MLST8: variants seen among roughly 807,000 people sequenced by gnomAD.
MLST8 encodes the protein target of rapamycin complex subunit LST8.
Under a neutral mutation model 41.3 loss-of-function variants are expected in MLST8, and 20 were observed. That is an observed-to-expected ratio of 0.48 (90% CI 0.34 to 0.70). MLST8 has a LOEUF of 0.70. Among genes scored for constraint, MLST8 ranks in the 30% least tolerant of loss-of-function variants. The pLI is 0.01. For synonymous variants in MLST8, 243 were observed against 183.0 expected, an observed-to-expected ratio of 1.33 and a Z score of -2.65; for missense variants, 422 against 454.3, an observed-to-expected ratio of 0.93 and a Z score of 0.65.
chr16:2,209,371 G>C lies in MLST8; in HGVS notation c.*494G>C, dbSNP rs201450400. The C allele has an allele frequency of 1.9e-6, 3 of 1,612,848 alleles. No individual in the cohort carries two copies. Among genetic ancestry groups the C allele is most frequent in the South Asian group, 1.1e-5 (1 of 91,066 alleles). ...GGGCCAGGTCGGGGGCTCAGTCTGG[G>C]AGGTAATAAAAGCAGACCGACACGC... On this transcript the variant is annotated 3_prime_UTR_variant, in exon 9 of 9. Transcript: ENST00000569417.
rs1347285506 is a variant in MLST8, at chr16:2,208,786, G to A, written c.890G>A (p.Trp297Ter). 1 of 1,613,890 alleles carries A rather than the reference G, an allele frequency of 6.2e-7. No homozygotes were observed. Among genetic ancestry groups the A allele is most frequent in the Non-Finnish European group, 8.5e-7 (1 of 1,179,932 alleles). ...TCCTCGGACAACCTGGCCCGGCTCT[G>A]GTGTGTGGAGACTGGAGAGATCAAG... ...TASSDNLARLWCVETGEIKRE... is the reference protein window; with the variant it reads ...TASSDNLARL Residue 297 changes from tryptophan to a stop codon, truncating the protein, a stop_gained, in exon 9 of 9, where the codon TGG (tryptophan) becomes TAG (stop). Coordinates refer to ENST00000569417, the MANE Select transcript of MLST8 (RefSeq NM_022372.6). LOFTEE classifies it high-confidence loss of function.
At position 2,206,490 on chromosome 16, in the gene MLST8, T is replaced by TC. The variant is rs1397248361; in HGVS notation, c.182-4dup. On this transcript the variant is annotated splice_region_variant and splice_polypyrimidine_tract_variant and intron_variant, in intron 3 of 8. Coordinates refer to ENST00000569417, the MANE Select transcript of MLST8 (RefSeq NM_022372.6). ...CAGCCAAGCTTCAGTTCAGCCTGTG[T>TC]CCCTAGGTTACCAGCACATCCGCAT... is the stretch of plus-strand genomic sequence containing the variant. 4.3e-6 allele frequency: 7 copies of TC among 1,611,160 alleles called. No homozygotes were observed. The Admixed American group carries it at 1.2e-4, about 27-fold the overall frequency.
At chr16:2,206,689 G>A (rs1279118890) in intron 4 of MLST8, 30 bp downstream of exon 4, 3 of 1,601,304 alleles carry the variant, frequency 1.9e-6, no homozygotes, top group African/African-American at 2.7e-5. Context: ...TGCTGCCCGG[G>A]GCTGGGGTGG....
At chr16:2,205,787 C>T (rs145402479) in intron 1 of MLST8, 508 of 1,067,914 alleles carry the variant, frequency 4.8e-4, no homozygotes, top group Middle Eastern at 4.5e-3. Context: ...TGACTCCCCC[C>T]TGCCGGCTGC....
chr16:2,209,426 CAG>C lies in MLST8; in HGVS notation c.*553_*554del. The C allele has an allele frequency of 6.2e-7, 1 of 1,613,818 alleles. No individual in the cohort carries two copies. Among genetic ancestry groups the C allele is most frequent in the Non-Finnish European group, 8.5e-7 (1 of 1,180,002 alleles). ...GTTGCTCGGGAAGCAGATGTCGATG[CAG>C]AGATAAATCAGCCGCTGTCTCCGGG... On this transcript the variant is annotated 3_prime_UTR_variant, in exon 9 of 9. Coordinates refer to ENST00000569417, the MANE Select transcript of MLST8 (RefSeq NM_022372.6).
intron 4 of MLST8, 100 bp from the exon 5 acceptor site, chr16:2,206,935 T>G (rs1596715793): frequency 2.1e-6 from 3 of 1,440,816 alleles, no homozygotes. Flanking sequence ...AAGAGGCAGG[T>G]CCTTCAGCAG....
Position 2,207,306 on chromosome 16 carries a change from C to T in MLST8, c.534C>T (p.Ile178=), listed in dbSNP as rs781270375. ...AGGTCTCCATCACGTCCGCCCACAT[C>T]GATCCCGACGCCAGCTACATGGCAG... is the stretch of plus-strand genomic sequence containing the variant. ...EPEVSITSAH[I]DPDASYMAAV... is the part of the protein sequence containing the mutation. The change falls in exon 6 of 9, where the codon ATC becomes ATT. Residue 178 remains isoleucine, a synonymous_variant. Transcript: ENST00000569417. The T allele has an allele frequency of 4.3e-6, 7 of 1,614,004 alleles. No homozygotes were observed. The highest frequency in any genetic ancestry group is 1.1e-5 in the South Asian group (1 of 91,086).
At chr16:2,205,697 C>T in intron 1 of MLST8, 185 bp downstream of exon 1, 7 of 994,508 alleles carry the variant, frequency 7.0e-6, no homozygotes, top group Non-Finnish European at 8.4e-6. Flanking sequence ...CATGCGCAGC[C>T]GCAGCGCTCG....
rs1322687391 is a variant in MLST8 at position 2,206,676 on chromosome 16, G to T, written c.344+17G>T. On this transcript the variant is annotated intron_variant, in intron 4 of 8. Coordinates refer to ENST00000569417, the MANE Select transcript of MLST8 (RefSeq NM_022372.6). Reference sequence around the variant, plus strand: ...GGACCTCAGGTGCGGTGGGGAGGGGGCGTGCTGCCCGGGGCTGGGGTGGGC... The same window carrying T: ...GGACCTCAGGTGCGGTGGGGAGGGGTCGTGCTGCCCGGGGCTGGGGTGGGC... 6.2e-7 allele frequency: 1 copy of T among 1,610,636 alleles called. No homozygotes were observed. The highest frequency in any genetic ancestry group is 8.5e-7 in the Non-Finnish European group (1 of 1,179,736).
rs1269961383 is a variant in MLST8 at position 2,206,406 on chromosome 16, G to A, written c.178G>A (p.Ala60Thr). Reference sequence around the variant, plus strand: ...ACCGGACCGCAGCATGATTGCTGCTGCAGGTATCTGTGATCCTTGATCTCT... The same window carrying A: ...ACCGGACCGCAGCATGATTGCTGCTACAGGTATCTGTGATCCTTGATCTCT... The part of the protein sequence containing the change: ...VTPDRSMIAA[A>T]GYQHIRMYDL... The change falls in exon 3 of 9, where the codon GCA becomes ACA. Residue 60 changes from alanine to threonine, a missense_variant. Physicochemically the swap from Ala to Thr is moderately conservative, Grantham distance 58 (BLOSUM62 0). Coordinates refer to ENST00000569417, the MANE Select transcript of MLST8 (RefSeq NM_022372.6). 6.2e-7 allele frequency: 1 copy of A among 1,614,060 alleles called. No individual in the cohort carries two copies. The highest frequency in any genetic ancestry group is 8.5e-7 in the Non-Finnish European group (1 of 1,180,030).
In MLST8 at chr16:2,209,384, C is replaced by G; in HGVS notation, c.*507C>G. On this transcript the variant is annotated 3_prime_UTR_variant, in exon 9 of 9. Transcript: ENST00000569417. ...GGCTCAGTCTGGGAGGTAATAAAAG[C>G]AGACCGACACGCAGATGTTGCTCGG... The G allele has an allele frequency of 1.2e-6, 2 of 1,613,498 alleles. No individual in the cohort carries two copies. The highest frequency in any genetic ancestry group is 1.7e-6 in the Non-Finnish European group (2 of 1,179,730).
intron 6 of MLST8, 42 bp downstream of exon 6, chr16:2,207,387 C>G (rs749249830): frequency 3.1e-6 from 5 of 1,595,724 alleles, no homozygotes; most frequent in Non-Finnish European, 4.3e-6. Flanking sequence ...CAGCTTGGCA[C>G]TCAGCCCTCA....
In MLST8 at chr16:2,206,538, C is replaced by T. The variant is rs1267752831; in HGVS notation, c.223C>T (p.Pro75Ser). 10 of 1,613,952 alleles carry T rather than the reference C, an allele frequency of 6.2e-6. No homozygotes were observed. Among genetic ancestry groups the T allele is most frequent in the Non-Finnish European group, 8.5e-6 (10 of 1,179,880 alleles). Residue 75 changes from proline (P) to serine (S), a missense_variant, in exon 4 of 9, where the codon CCT (proline) becomes TCT (serine). Pro to Ser is a moderately conservative substitution (Grantham distance 74). Coordinates refer to ENST00000569417, the MANE Select transcript of MLST8 (RefSeq NM_022372.6). ...CATGTATGATCTCAACTCCAATAAC[C>T]CTAACCCCATCATCAGCTACGACGG... ...IRMYDLNSNNPNPIISYDGVN... is the reference protein window; with the variant it reads ...IRMYDLNSNNSNPIISYDGVN...
At position 2,208,510 on chromosome 16, in the gene MLST8, C is replaced by T. The variant is rs750257711; in HGVS notation, c.759C>T (p.Ser253=). The T allele has an allele frequency of 8.1e-6, 13 of 1,613,256 alleles. No homozygotes were observed. The highest frequency in any genetic ancestry group is 1.6e-4 in the Middle Eastern group (1 of 6,078). The change falls in exon 8 of 9, where the codon TCC becomes TCT. Residue 253 remains serine, a synonymous_variant. Coordinates refer to ENST00000569417, the MANE Select transcript of MLST8 (RefSeq NM_022372.6). The part of the protein sequence containing the change: ...TCKIWRTSNF[S]LMTELSIKSG... The stretch of plus-strand genomic sequence containing the variant: ...AGATCTGGAGGACGTCCAACTTCTC[C>T]CTGATGACGGAGCTGAGCATCAAGA...
Position 2,206,607 on chromosome 16 carries a change from C to T in MLST8, c.292C>T (p.Arg98Cys), listed in dbSNP as rs1200954370. The T allele has an allele frequency of 6.2e-7, 1 of 1,613,816 alleles. No individual in the cohort carries two copies. The highest frequency in any genetic ancestry group is 1.1e-5 in the South Asian group (1 of 91,072). ...GTCTGTGGGCTTCCACGAAGACGGCCGCTGGATGTACACGGGCGGCGAGGA... is the reference window on the plus strand; with the variant it reads ...GTCTGTGGGCTTCCACGAAGACGGCTGCTGGATGTACACGGGCGGCGAGGA... ...IASVGFHEDGRWMYTGGEDCT... is the reference protein window; with the variant it reads ...IASVGFHEDGCWMYTGGEDCT... Residue 98 changes from arginine (R) to cysteine (C), a missense_variant, in exon 4 of 9, where the codon CGC becomes TGC. Arg to Cys is a radical substitution (Grantham distance 180, BLOSUM62 -3). Coordinates refer to ENST00000569417, the MANE Select transcript of MLST8 (RefSeq NM_022372.6).
rs1447669253 is a variant in MLST8, at chr16:2,208,573, G to A, written c.822G>A (p.Trp274Ter). The change falls in exon 8 of 9, where the codon TGG becomes TGA. Residue 274 changes from tryptophan to a stop codon, truncating the protein, a stop_gained. Transcript: ENST00000569417. LOFTEE classifies it high-confidence loss of function. Reference sequence around the variant, plus strand: ...GGGAGTCCTCCCGCGGCTGGATGTGGGGCTGCGCCTTCTCGGGGGACTCCC... The same window carrying A: ...GGGAGTCCTCCCGCGGCTGGATGTGAGGCTGCGCCTTCTCGGGGGACTCCC... ...NPGESSRGWM[W>*]GCAFSGDSQY... 1 of 1,612,800 alleles carries A rather than the reference G, an allele frequency of 6.2e-7. No individual in the cohort carries two copies. Among genetic ancestry groups the A allele is most frequent in the Non-Finnish European group, 8.5e-7 (1 of 1,179,772 alleles).
At position 2,209,101 on chromosome 16, in the gene MLST8, A is replaced by G; in HGVS notation, c.*224A>G. 1 of 643,316 alleles carries G rather than the reference A, an allele frequency of 1.6e-6. No homozygotes were observed. Among genetic ancestry groups the G allele is most frequent in the Non-Finnish European group, 2.7e-6 (1 of 372,966 alleles). The allele number at this position is 643,316 out of a possible 1,614,324, so 39.9% of individuals were successfully genotyped here. A position where few individuals can be genotyped will look rare whatever the true frequency, so the allele number is the denominator to read the frequency against. ...CCCAAGCCAGGCTGCACACTCCTGG[A>G]CTGGGCTAGCCTGCACTGCCTGGGA... On this transcript the variant is annotated 3_prime_UTR_variant, in exon 9 of 9. Coordinates refer to ENST00000569417, the MANE Select transcript of MLST8 (RefSeq NM_022372.6).
At chr16:2,206,716 GT>G in intron 4 of MLST8, 57 bp downstream of exon 4, 1 of 1,582,470 alleles carries the variant, frequency 6.3e-7, no homozygotes, top group African/African-American at 1.3e-5. Context: ...CTGGGAGACC[GT>G]TTTAGGTTGG....
At chr16:2,206,956 G>A (rs1475882959) in intron 4 of MLST8, 79 bp from the exon 5 acceptor site, 3 of 1,547,186 alleles carry the variant, frequency 1.9e-6, no homozygotes. Flanking sequence ...AGGGAGGGGA[G>A]GAATGGCCAG....
Sources: allele counts gnomAD v4.1 joint callset, GRCh38; gene constraint gnomAD v4.1.1; transcripts MANE v1.5; gene names NCBI Gene and HGNC (gene_info 2026-07-23, HGNC 2026-07-21).